CDH9: variants seen among roughly 807,000 people sequenced by gnomAD.
CDH9 encodes cadherin-9.
A neutral mutation model predicts 70.9 loss-of-function variants in CDH9; 28 were observed. That is an observed-to-expected ratio of 0.40 (90% CI 0.29 to 0.54). The LOEUF (loss-of-function observed/expected upper bound fraction) is 0.54. CDH9 is among the 20% of genes least tolerant of loss of function. CDH9 has a pLI of 0.59. For missense variants in CDH9, 874 were observed against 984.4 expected (o/e 0.89, Z 1.50); for synonymous variants, 409 against 343.1 (o/e 1.19, Z -2.12).
rs142717645 is a variant in CDH9, at chr5:26,899,518, G to T, written c.1253+2958C>A. On this transcript the variant is annotated intron_variant, in intron 7 of 11. Coordinates refer to ENST00000231021, the MANE Select transcript of CDH9 (RefSeq NM_016279.4). ...CTTTGCCGGGACATGGATGAAGCTG[G>T]AAATCATCATTCTCAACAAATTAAC... Among the ~76,000 whole-genome samples the T allele has an allele frequency of 4.8e-4, 73 of 152,240 alleles. 1 individual carries two copies. The East Asian group carries it at 0.014, about 28-fold the overall frequency.
chr5:26,926,177 G>A (rs1235869464), intron 2 of CDH9, among the ~76,000 whole-genome samples: 1 of 152,106 alleles, frequency 6.6e-6, no homozygotes, highest in Non-Finnish European at 1.5e-5. Context: ...TGGCATGATT[G>A]TATATCTAGA....
chr5:27,010,714 A>T (rs1742941246), intron 1 of CDH9, among the ~76,000 whole-genome samples: 1 of 152,118 alleles, frequency 6.6e-6, no homozygotes, highest in Non-Finnish European at 1.5e-5. Context: ...TCACTGCTGG[A>T]TGGCCAGGCC....
At chr5:26,930,849 A>T (rs1362581560) in intron 2 of CDH9, among the ~76,000 whole-genome samples, 1 of 152,134 alleles carries the variant, frequency 6.6e-6, no homozygotes, top group Admixed American at 6.6e-5. Flanking sequence ...CATGTTTTAG[A>T]ATAGTGTGTT....
chr5:26,928,994 G>C (rs910130552), intron 2 of CDH9, among the ~76,000 whole-genome samples: 1 of 151,890 alleles, frequency 6.6e-6, no homozygotes, highest in African/African-American at 2.4e-5. Context: ...GGATGAATGG[G>C]ACTATATCAA....
chr5:26,930,053 C>A (rs1465786091), intron 2 of CDH9, among the ~76,000 whole-genome samples: 2 of 151,882 alleles, frequency 1.3e-5, no homozygotes, highest in African/African-American at 4.8e-5. Context: ...ATGCCATTTA[C>A]CCTGATGTGA....
chr5:26,918,741 C>G (rs746773542), intron 2 of CDH9, among the ~76,000 whole-genome samples: 1 of 152,114 alleles, frequency 6.6e-6, no homozygotes, highest in Non-Finnish European at 1.5e-5. Context: ...TCAATCTTCT[C>G]CTGCCTTTGG....
intron 2 of CDH9, among the ~76,000 whole-genome samples, chr5:26,951,287 GTC>G (rs1299680500): frequency 9.2e-5 from 3 of 32,670 alleles, no homozygotes; most frequent in Non-Finnish European, 1.1e-4. Flanking sequence ...GCAAGACTCT[GTC>G]TCAAAAAAAA....
chr5:26,946,087 A>G lies in CDH9; in HGVS notation c.229-30163T>C, dbSNP rs146826072. ...AGTAATGGGATATGGCTTTCTGTATAATGTTACATAAGCTACATAATGATC... is the reference window on the plus strand; with the variant it reads ...AGTAATGGGATATGGCTTTCTGTATGATGTTACATAAGCTACATAATGATC... On this transcript the variant is annotated intron_variant, in intron 2 of 11. Transcript: ENST00000231021. Among the ~76,000 whole-genome samples, 223 of 152,308 alleles carry G rather than the reference A, an allele frequency of 1.5e-3. 1 individual carries two copies. Among genetic ancestry groups the G allele is most frequent in the African/African-American group, 4.9e-3 (202 of 41,586 alleles).
rs142642728 is a variant in CDH9, at chr5:26,976,369, T to G, written c.228+11737A>C. ...ACCTTCCTATAAGATTGAAAAATGTTAAGTTACCAAAAATACACAGGCATA... is the reference window on the plus strand; with the variant it reads ...ACCTTCCTATAAGATTGAAAAATGTGAAGTTACCAAAAATACACAGGCATA... On this transcript the variant is annotated intron_variant, in intron 2 of 11. Coordinates refer to ENST00000231021, the MANE Select transcript of CDH9 (RefSeq NM_016279.4). Among the ~76,000 whole-genome samples the G allele has an allele frequency of 6.4e-3, 978 of 152,324 alleles. 11 individuals are homozygous for G. The highest frequency in any genetic ancestry group is 0.022 in the African/African-American group (918 of 41,578).
chr5:26,896,842 G>A (rs1294872180), intron 7 of CDH9, among the ~76,000 whole-genome samples: 1 of 151,770 alleles, frequency 6.6e-6, no homozygotes, highest in African/African-American at 2.4e-5. Flanking sequence ...AGGAGATAGA[G>A]ACACAAAAAA....
chr5:26,939,277 A>G (rs1741617991), intron 2 of CDH9, among the ~76,000 whole-genome samples: 1 of 151,848 alleles, frequency 6.6e-6, no homozygotes, highest in East Asian at 1.9e-4. Context: ...TAATATATGT[A>G]TCAACTAGTA....
At chr5:26,935,019 T>C (rs1442281287) in intron 2 of CDH9, among the ~76,000 whole-genome samples, 6 of 151,858 alleles carry the variant, frequency 4.0e-5, no homozygotes, top group Admixed American at 3.9e-4. Context: ...TCCAATAGTG[T>C]ATACAAATAA....
At chr5:26,907,290 A>T (rs541788070) in intron 3 of CDH9, among the ~76,000 whole-genome samples, 3 of 152,246 alleles carry the variant, frequency 2.0e-5, no homozygotes, top group East Asian at 1.9e-4. Flanking sequence ...TAAATAAAAT[A>T]AAAAAATAAA....
chr5:26,924,009 C>A (rs1403353824), intron 2 of CDH9, among the ~76,000 whole-genome samples: 2 of 151,534 alleles, frequency 1.3e-5, no homozygotes, highest in Non-Finnish European at 2.9e-5. Flanking sequence ...AAGAGAAAAC[C>A]AAGCCCAAAG....
At position 26,995,257 on chromosome 5, in the gene CDH9, A is replaced by T. The variant is rs139703673; in HGVS notation, c.-49-6875T>A. 9.9e-3 allele frequency among the ~76,000 whole-genome samples: 1,507 copies of T among 152,294 alleles called. 20 individuals carry two copies. The highest frequency in any genetic ancestry group is 0.011 in the Non-Finnish European group (735 of 68,018). On this transcript the variant is annotated intron_variant, in intron 1 of 11. Transcript: ENST00000231021. ...AAATAATTACTACTTTGAGCCTCGG[A>T]TCATGTATGACATTGACTTAACATT...
rs572902331 is a variant in CDH9, at chr5:26,936,221, G to A, written c.229-20297C>T. The stretch of plus-strand genomic sequence containing the variant: ...AGAACTTATGCTTGTAGCCAAAACC[G>A]CCTGTATCCGCAAGCCATTTAAATA... On this transcript the variant is annotated intron_variant, in intron 2 of 11. Coordinates refer to ENST00000231021, the MANE Select transcript of CDH9 (RefSeq NM_016279.4). 5.6e-3 allele frequency among the ~76,000 whole-genome samples: 844 copies of A among 151,994 alleles called. 6 individuals carry two copies. The highest frequency in any genetic ancestry group is 0.019 in the African/African-American group (798 of 41,454).
chr5:26,957,086 A>G (rs1469369720), intron 2 of CDH9, among the ~76,000 whole-genome samples: 1 of 147,798 alleles, frequency 6.8e-6, no homozygotes, highest in African/African-American at 2.5e-5. Context: ...CTACAATATT[A>G]TAATAGAATT....
In CDH9 at chr5:26,906,766, T is replaced by C. The variant is rs1454260593; in HGVS notation, c.596A>G (p.Tyr199Cys). The C allele has an allele frequency of 1.9e-6, 3 of 1,613,202 alleles. No individual in the cohort carries two copies. Among genetic ancestry groups the C allele is most frequent in the Non-Finnish European group, 2.5e-6 (3 of 1,179,562 alleles). ...ANYGNSAKVV[Y>C]SILQGQPYFS... Reference sequence around the variant, plus strand: ...ATATGGCTGTCCTTGCAATATGCTATAGACCACTTTGGCACTATTTCCATA... The same window carrying C: ...ATATGGCTGTCCTTGCAATATGCTACAGACCACTTTGGCACTATTTCCATA... Residue 199 changes from tyrosine to cysteine, a missense_variant, in exon 4 of 12, where the codon TAT (tyrosine) becomes TGT (cysteine). Physicochemically the swap from Tyr to Cys is radical, Grantham distance 194. Coordinates refer to ENST00000231021, the MANE Select transcript of CDH9 (RefSeq NM_016279.4).
At chr5:26,948,994 C>T (rs1394458002) in intron 2 of CDH9, among the ~76,000 whole-genome samples, 1 of 152,110 alleles carries the variant, frequency 6.6e-6, no homozygotes, top group African/African-American at 2.4e-5. Context: ...TCCACTGGTG[C>T]CAGACTTGCC....
Sources: allele counts gnomAD v4.1 joint callset (sites outside exome capture counted in the v4.1 genomes callset), GRCh38; gene constraint gnomAD v4.1.1; transcripts MANE v1.5; gene names NCBI Gene and HGNC (gene_info 2026-07-23, HGNC 2026-07-21).